Variants in PRIM2 observed in about 807,000 individuals in gnomAD.
PRIM2 encodes the protein DNA primase large subunit.
PRIM2 carries 39 observed loss-of-function variants against 67.3 expected under a neutral mutation model. That is an observed-to-expected ratio of 0.58 (90% confidence interval 0.45 to 0.76). The LOEUF (loss-of-function observed/expected upper bound fraction) is 0.76. Among genes scored for constraint, PRIM2 ranks in the 30% least tolerant of loss-of-function variants. PRIM2 has a pLI of 0.00. For synonymous variants in PRIM2, 143 were observed against 198.7 expected (o/e 0.72, Z 2.36); for missense variants, 398 against 598.7 (o/e 0.66, Z 3.50).
chr6:57,275,006 C>T, the PRIM2 span, among the ~76,000 whole-genome samples: 6 of 150,210 alleles, frequency 4.0e-5, no homozygotes, highest in Admixed American at 3.3e-4. Context: ...AGGATGGTCT[C>T]AATCTCCTGA....
the PRIM2 span, among the ~76,000 whole-genome samples, chr6:57,295,336 T>G: frequency 1.3e-5 from 2 of 151,318 alleles, no homozygotes; most frequent in Non-Finnish European, 2.9e-5. Flanking sequence ...CAGCATGAAT[T>G]GAATTTTATA....
chr6:57,639,099 T>G (rs1462726350), intron 13 of PRIM2, among the ~76,000 whole-genome samples: 2 of 152,146 alleles, frequency 1.3e-5, no homozygotes, highest in Non-Finnish European at 2.9e-5. Flanking sequence ...ATTAAGAAAC[T>G]CACTCAAAAC....
At position 57,588,602 on chromosome 6, in the gene PRIM2, G is replaced by A. The variant is rs1250534054; in HGVS notation, c.1021-12491G>A. On this transcript the variant is annotated intron_variant, in intron 10 of 13. Coordinates refer to ENST00000615550, the MANE Select transcript of PRIM2 (RefSeq NM_000947.5). ...TTTTTCCTCATGATATCAGCACATTGTTGAGATCAATGGGAGCCTTCCATT... is the reference window on the plus strand; with the variant it reads ...TTTTTCCTCATGATATCAGCACATTATTGAGATCAATGGGAGCCTTCCATT... Among the ~76,000 whole-genome samples, 15 of 151,766 alleles carry A rather than the reference G, an allele frequency of 9.9e-5. No homozygotes were observed. The South Asian group carries it at 3.1e-3, about 32-fold the overall frequency.
At chr6:57,442,253 T>C (rs10949062) in intron 7 of PRIM2, among the ~76,000 whole-genome samples, 1 of 152,202 alleles carries the variant, frequency 6.6e-6, no homozygotes, top group Non-Finnish European at 1.5e-5. Context: ...GTCCCACAAC[T>C]GAGTGGGATG....
At chr6:57,349,298 G>A (rs1163418891) in intron 5 of PRIM2, among the ~76,000 whole-genome samples, 1 of 151,032 alleles carries the variant, frequency 6.6e-6, no homozygotes, top group African/African-American at 2.4e-5. Context: ...TCACTGATGT[G>A]GTATTTGAAA....
intron 5 of PRIM2, among the ~76,000 whole-genome samples, chr6:57,358,669 T>G (rs1216836226): frequency 6.6e-6 from 1 of 152,244 alleles, no homozygotes; most frequent in Non-Finnish European, 1.5e-5. Flanking sequence ...GAAAATAATT[T>G]ATGGTCTTTA....
intron 5 of PRIM2, among the ~76,000 whole-genome samples, chr6:57,327,485 G>A (rs2127277587): frequency 6.6e-6 from 1 of 152,312 alleles, no homozygotes; most frequent in South Asian, 2.1e-4. Context: ...CAAACATTTT[G>A]TAGACGTTTA....
At chr6:57,539,306 C>T (rs1171129149) in intron 10 of PRIM2, among the ~76,000 whole-genome samples, 1 of 152,020 alleles carries the variant, frequency 6.6e-6, no homozygotes, top group Non-Finnish European at 1.5e-5. Flanking sequence ...AACTAAACAC[C>T]ACTGCTTTTC....
At chr6:57,637,837 T>C (rs1777151423) in intron 13 of PRIM2, among the ~76,000 whole-genome samples, 1 of 152,048 alleles carries the variant, frequency 6.6e-6, no homozygotes, top group South Asian at 2.1e-4. Context: ...CAGGATATAA[T>C]CCAGGAGAAC....
chr6:57,589,547 A>G (rs1443648839), intron 10 of PRIM2, among the ~76,000 whole-genome samples: 8 of 152,182 alleles, frequency 5.3e-5, no homozygotes, highest in Admixed American at 5.2e-4. Context: ...AGTGTGAAAG[A>G]GCCTCAGTAG....
intron 5 of PRIM2, among the ~76,000 whole-genome samples, chr6:57,375,499 G>A (rs1299665100): frequency 5.9e-5 from 9 of 152,098 alleles, no homozygotes; most frequent in African/African-American, 2.2e-4. Flanking sequence ...TTGCATCAGT[G>A]TTCATCAAGG....
intron 10 of PRIM2, among the ~76,000 whole-genome samples, chr6:57,544,825 CAA>C (rs1403149692): frequency 8.5e-5 from 13 of 152,152 alleles, no homozygotes; most frequent in African/African-American, 2.7e-4. Flanking sequence ...AGCAGGCACT[CAA>C]TAAATGTTTA....
At chr6:57,322,797 G>A (rs1345022196) in intron 3 of PRIM2, among the ~76,000 whole-genome samples, 1 of 152,164 alleles carries the variant, frequency 6.6e-6, no homozygotes, top group African/African-American at 2.4e-5. Flanking sequence ...ATGTGTATGC[G>A]GAAGCTTGGG....
At chr6:57,265,123 CA>C in the PRIM2 span, among the ~76,000 whole-genome samples, 1 of 152,186 alleles carries the variant, frequency 6.6e-6, no homozygotes, top group Non-Finnish European at 1.5e-5. Context: ...TCATTAATAA[CA>C]ACTAGATTGT....
chr6:57,554,479 G>A (rs1186947846), intron 10 of PRIM2, among the ~76,000 whole-genome samples: 3 of 151,144 alleles, frequency 2.0e-5, no homozygotes, highest in African/African-American at 7.3e-5. Context: ...AGCCTCTGTT[G>A]ATAAGAGCTC....
At chr6:57,499,472 G>C (rs1308498647) in intron 7 of PRIM2, among the ~76,000 whole-genome samples, 2 of 152,090 alleles carry the variant, frequency 1.3e-5, no homozygotes, top group Admixed American at 1.3e-4. Context: ...TTAGAGATGT[G>C]CCCTTCCTAA....
At chr6:57,340,496 C>G (rs1304977877) in intron 5 of PRIM2, among the ~76,000 whole-genome samples, 3 of 152,140 alleles carry the variant, frequency 2.0e-5, no homozygotes, top group African/African-American at 7.2e-5. Context: ...GTAAATGTGG[C>G]ACATATACAC....
Position 57,375,367 on chromosome 6 carries a change from A to G in PRIM2, c.460-4534A>G, listed in dbSNP as rs369562513. On this transcript the variant is annotated intron_variant, in intron 5 of 13. Coordinates refer to ENST00000615550, the MANE Select transcript of PRIM2 (RefSeq NM_000947.5). ...TAGTTCTGTTTATGTGATGAATCAC[A>G]TTTATTGATTTGTGTATGTTGAACC... 2.1e-4 allele frequency among the ~76,000 whole-genome samples: 32 copies of G among 152,344 alleles called. No homozygotes were observed. In the East Asian group the frequency reaches 5.4e-3, roughly 26 times the overall value.
the PRIM2 span, among the ~76,000 whole-genome samples, chr6:57,290,041 T>C: frequency 4.5e-4 from 68 of 151,864 alleles, no homozygotes; most frequent in African/African-American, 1.5e-3. Context: ...ATCGGTGTGC[T>C]GTATTCAGGA....
Sources: allele counts gnomAD v4.1 joint callset (sites outside exome capture counted in the v4.1 genomes callset), GRCh38; gene constraint gnomAD v4.1.1; transcripts MANE v1.5; gene names NCBI Gene and HGNC (gene_info 2026-07-23, HGNC 2026-07-21).